NSG2: variants seen among roughly 807,000 people sequenced by gnomAD.
NSG2 encodes the protein neuronal vesicle trafficking-associated protein 2.
Under a neutral mutation model 16.9 loss-of-function variants are expected in NSG2, and 4 were observed. The ratio of observed to expected loss-of-function variants is 0.24; its 90% CI spans 0.12 to 0.54. The LOEUF (loss-of-function observed/expected upper bound fraction) is 0.54, where lower values mean the gene tolerates loss of function less well. NSG2 is among the 20% of genes least tolerant of loss of function. The probability of loss-of-function intolerance (pLI) is 0.95; values close to 1 mark genes in which losing one functional copy is unlikely to be tolerated. For synonymous variants in NSG2, 98 were observed against 88.7 expected (o/e 1.11, Z -0.59); for missense variants, 179 against 221.1 (o/e 0.81, Z 1.21).
rs543368373 is a variant in NSG2, at chr5:174,066,989, C to CAAAAAA, written c.213+2696_213+2701dup. Among the ~76,000 whole-genome samples, 32 of 27,920 alleles carry CAAAAAA rather than the reference C, an allele frequency of 1.1e-3. 3 individuals are homozygous for CAAAAAA. Among genetic ancestry groups the CAAAAAA allele is most frequent in the African/African-American group, 1.7e-3 (17 of 10,220 alleles). 18.3% of individuals were successfully genotyped at this position (27,920 alleles called of 152,430 possible). A position where few individuals can be genotyped will look rare whatever the true frequency, so the allele number is the denominator to read the frequency against. On this transcript the variant is annotated intron_variant, in intron 3 of 4. Transcript: ENST00000303177. The stretch of plus-strand genomic sequence containing the variant: ...TGGGCGACAGAGCGAGACTCTGTCT[C>CAAAAAA]AAAAAAAAAAAAAAAAAAAAAAAAA...
chr5:174,076,554 A>T (rs1760346931), intron 3 of NSG2, among the ~76,000 whole-genome samples: 1 of 152,150 alleles, frequency 6.6e-6, no homozygotes, highest in South Asian at 2.1e-4. Context: ...GAGGCTAAGA[A>T]AAAAAAATTT....
chr5:174,067,253 A>C (rs1050453258), intron 3 of NSG2, among the ~76,000 whole-genome samples: 1 of 152,108 alleles, frequency 6.6e-6, no homozygotes, highest in African/African-American at 2.4e-5. Context: ...TTTCATATCT[A>C]TGTGAGAGAT....
chr5:174,064,384 G>C (rs960350054), intron 3 of NSG2, 69 bp downstream of exon 3: 2 of 1,052,486 alleles, frequency 1.9e-6, no homozygotes, highest in East Asian at 2.5e-5. Context: ...AGCACACCTC[G>C]TGCTTGGAGC....
At chr5:174,052,894 G>A (rs1283644916) in intron 2 of NSG2, among the ~76,000 whole-genome samples, 1 of 152,196 alleles carries the variant, frequency 6.6e-6, no homozygotes, top group Non-Finnish European at 1.5e-5. Context: ...ACCATAATCG[G>A]CAAGTCTGCT....
chr5:174,102,130 A>G (rs1262684327), intron 3 of NSG2, among the ~76,000 whole-genome samples: 1 of 152,194 alleles, frequency 6.6e-6, no homozygotes, highest in Non-Finnish European at 1.5e-5. Flanking sequence ...GTACTGTCCT[A>G]AAACTTCATA....
intron 3 of NSG2, among the ~76,000 whole-genome samples, chr5:174,083,131 G>A (rs1020255512): frequency 2.0e-5 from 3 of 152,174 alleles, no homozygotes; most frequent in African/African-American, 7.2e-5. Context: ...TGGCCCAGGA[G>A]CCCCACTCCC....
intron 2 of NSG2, among the ~76,000 whole-genome samples, chr5:174,055,364 T>C: frequency 6.6e-6 from 1 of 151,926 alleles, no homozygotes; most frequent in Non-Finnish European, 1.5e-5. Flanking sequence ...GAAGCCGAGG[T>C]GGGCGGATCA....
At chr5:174,086,240 C>T (rs2113460570) in intron 3 of NSG2, among the ~76,000 whole-genome samples, 1 of 152,286 alleles carries the variant, frequency 6.6e-6, no homozygotes, top group African/African-American at 2.4e-5. Context: ...GACCCCGGGC[C>T]AATCACTTTC....
chr5:174,094,395 C>T (rs189907064), intron 3 of NSG2, among the ~76,000 whole-genome samples: 72 of 152,264 alleles, frequency 4.7e-4, no homozygotes, highest in Non-Finnish European at 9.1e-4. Flanking sequence ...TTATAGGCAC[C>T]ATCTCATTTA....
At chr5:174,100,881 C>T (rs1041413695) in intron 3 of NSG2, among the ~76,000 whole-genome samples, 1 of 152,250 alleles carries the variant, frequency 6.6e-6, no homozygotes, top group Non-Finnish European at 1.5e-5. Flanking sequence ...TGGGCACGTC[C>T]ATACCCATGT....
At chr5:174,069,411 T>G (rs1250730448) in intron 3 of NSG2, among the ~76,000 whole-genome samples, 1 of 152,150 alleles carries the variant, frequency 6.6e-6, no homozygotes, top group Non-Finnish European at 1.5e-5. Context: ...GGTGCTAAGC[T>G]GTGGAGAGGC....
chr5:174,052,722 C>G (rs942019954), intron 2 of NSG2, among the ~76,000 whole-genome samples: 3 of 152,174 alleles, frequency 2.0e-5, no homozygotes, highest in African/African-American at 7.2e-5. Flanking sequence ...CCCCATTTTA[C>G]AGGTGCAGAA....
intron 2 of NSG2, among the ~76,000 whole-genome samples, chr5:174,060,756 T>G (rs1286338988): frequency 6.6e-6 from 1 of 152,166 alleles, no homozygotes; most frequent in South Asian, 2.1e-4. Context: ...TTCCTTGTGG[T>G]TGGAGGACTG....
intron 3 of NSG2, among the ~76,000 whole-genome samples, chr5:174,094,724 T>C (rs1412748267): frequency 6.6e-6 from 1 of 152,242 alleles, no homozygotes; most frequent in Non-Finnish European, 1.5e-5. Flanking sequence ...ATACTTCAGA[T>C]GACCATATGC....
chr5:174,080,554 T>TCTCTCTCTCTCTCTCTCTCTCTCTCTCTC (rs1398255846), intron 3 of NSG2, among the ~76,000 whole-genome samples: 1 of 146,074 alleles, frequency 6.8e-6, no homozygotes, highest in African/African-American at 2.6e-5. Flanking sequence ...TCTCTCTTTC[T>TCTCTCTCTCTCTCTCTCTCTCTCTCTCTC]TTTCTTTCTT....
At chr5:174,081,907 AAGAG>A (rs1298025775) in intron 3 of NSG2, among the ~76,000 whole-genome samples, 13 of 148,628 alleles carry the variant, frequency 8.7e-5, no homozygotes, top group Admixed American at 5.4e-4. Context: ...AAAAAAAAAA[AAGAG>A]AGAGAATGTA....
At position 174,045,721 on chromosome 5, in the gene NSG2, GAC is replaced by G. The variant is rs1759783563; in HGVS notation, c.-140_-139del. 1 of 152,368 alleles carries G rather than the reference GAC, an allele frequency of 6.6e-6. No individual in the cohort carries two copies. The allele number at this position is 152,368 out of a possible 1,614,324, so 9.4% of individuals were successfully genotyped here. A position where few individuals can be genotyped will look rare whatever the true frequency, so the allele number is the denominator to read the frequency against. Reference sequence around the variant, plus strand: ...GCCTGCTCTCAGAAGCTCCGATCCAGACACACGCGAGGCGCTGTCCTTTCAGC... The same window carrying G: ...GCCTGCTCTCAGAAGCTCCGATCCAGACACGCGAGGCGCTGTCCTTTCAGC... On this transcript the variant is annotated 5_prime_UTR_variant, in exon 1 of 5. Coordinates refer to ENST00000303177, the MANE Select transcript of NSG2 (RefSeq NM_015980.5).
At chr5:174,053,429 C>T (rs772730991) in intron 2 of NSG2, among the ~76,000 whole-genome samples, 1 of 152,108 alleles carries the variant, frequency 6.6e-6, no homozygotes, top group Non-Finnish European at 1.5e-5. Flanking sequence ...TGATGCTCTG[C>T]AGGGGAGGCC....
At chr5:174,090,518 A>G (rs993732446) in intron 3 of NSG2, among the ~76,000 whole-genome samples, 1 of 152,204 alleles carries the variant, frequency 6.6e-6, no homozygotes, top group Admixed American at 6.5e-5. Context: ...AGCCACTCCT[A>G]TCAGTTCTGG....
Sources: gnomAD v4.1 joint callset for allele counts (sites outside exome capture counted in the v4.1 genomes callset) on GRCh38, gnomAD v4.1.1 for gene constraint, MANE v1.5 for transcripts, NCBI Gene and HGNC (gene_info 2026-07-23, HGNC 2026-07-21) for gene names.